GRM7: variants seen among roughly 807,000 people sequenced by gnomAD.
GRM7 encodes the protein metabotropic glutamate receptor 7.
In GRM7, 35 loss-of-function variants were observed where a neutral mutation model predicts 84.5. The observed-to-expected ratio is 0.41, with a 90% CI of 0.32 to 0.55. The LOEUF (loss-of-function observed/expected upper bound fraction) is 0.55, where lower values mean the gene tolerates loss of function less well. GRM7 is among the 20% of genes least tolerant of loss of function. The pLI, the probability that GRM7 is intolerant of heterozygous loss-of-function variation, is 0.19. For missense variants in GRM7, 1,003 were observed against 1,194.6 expected, an observed-to-expected ratio of 0.84 and a Z score of 2.36; for synonymous variants, 487 against 455.1, an observed-to-expected ratio of 1.07 and a Z score of -0.89.
intron 1 of GRM7, among the ~76,000 whole-genome samples, chr3:7,118,374 C>A (rs952793004): frequency 1.3e-5 from 2 of 151,494 alleles, no homozygotes; most frequent in Non-Finnish European, 2.9e-5. Flanking sequence ...TGGGCAACAG[C>A]ATGAGACCCA....
At chr3:7,131,654 T>C (rs746624201) in intron 1 of GRM7, among the ~76,000 whole-genome samples, 26 of 144,080 alleles carry the variant, frequency 1.8e-4, no homozygotes, top group Non-Finnish European at 3.3e-4. Context: ...AATTTTTGTA[T>C]TTTTAGTAGA....
intron 1 of GRM7, among the ~76,000 whole-genome samples, chr3:7,019,971 A>G (rs1236095030): frequency 6.6e-6 from 1 of 152,178 alleles, no homozygotes; most frequent in Non-Finnish European, 1.5e-5. Flanking sequence ...CAAAGGAAAA[A>G]TAAAACCTGT....
intron 1 of GRM7, among the ~76,000 whole-genome samples, chr3:6,988,893 A>G (rs925689446): frequency 2.6e-5 from 4 of 152,246 alleles, no homozygotes; most frequent in Admixed American, 6.5e-5. Context: ...TCTTAAGGCA[A>G]TGTTTCTCAA....
chr3:7,712,638 C>G (rs953928468), intron 9 of GRM7, among the ~76,000 whole-genome samples: 3 of 135,166 alleles, frequency 2.2e-5, no homozygotes, highest in Non-Finnish European at 4.7e-5. Context: ...TTTCTTTGTT[C>G]TTTTTTTTGT....
intron 1 of GRM7, among the ~76,000 whole-genome samples, chr3:7,031,982 T>C (rs1008325742): frequency 6.6e-6 from 1 of 152,164 alleles, no homozygotes; most frequent in Non-Finnish European, 1.5e-5. Flanking sequence ...CCTCTAGCAT[T>C]GATCAGGCAT....
intron 1 of GRM7, among the ~76,000 whole-genome samples, chr3:6,902,884 C>CT (rs1696442723): frequency 2.0e-5 from 3 of 150,288 alleles, no homozygotes; most frequent in African/African-American, 7.4e-5. Context: ...CACACACACC[C>CT]CTACTCTAGA....
chr3:6,971,873 A>G (rs1418960829), intron 1 of GRM7, among the ~76,000 whole-genome samples: 1 of 152,210 alleles, frequency 6.6e-6, no homozygotes, highest in Non-Finnish European at 1.5e-5. Context: ...TGTTTTATTA[A>G]AACTAAAAGT....
chr3:7,113,912 T>C (rs1368443471), intron 1 of GRM7, among the ~76,000 whole-genome samples: 1 of 152,190 alleles, frequency 6.6e-6, no homozygotes, highest in Non-Finnish European at 1.5e-5. Flanking sequence ...AGTGGTAACA[T>C]CTCTATAAAT....
intron 4 of GRM7, among the ~76,000 whole-genome samples, chr3:7,342,276 G>C (rs1260254610): frequency 1.3e-5 from 2 of 152,104 alleles, no homozygotes; most frequent in Admixed American, 6.6e-5. Context: ...TTTCTTAGCT[G>C]TACCCTCATC....
intron 9 of GRM7, among the ~76,000 whole-genome samples, chr3:7,715,424 C>T (rs1385006049): frequency 6.6e-6 from 1 of 152,088 alleles, no homozygotes; most frequent in Admixed American, 6.6e-5. Flanking sequence ...AGTGAGCGAC[C>T]ATCATGCCAC....
chr3:7,419,397 C>G (rs17047307), intron 5 of GRM7, among the ~76,000 whole-genome samples: 3,129 of 152,132 alleles, frequency 0.021, 96 homozygotes, highest in African/African-American at 0.067. Context: ...GCATCATATC[C>G]CAAAGTTTTC....
intron 3 of GRM7, among the ~76,000 whole-genome samples, chr3:7,302,083 G>A (rs1397242413): frequency 6.6e-6 from 1 of 151,708 alleles, no homozygotes; most frequent in Non-Finnish European, 1.5e-5. Context: ...GAAAATAAAA[G>A]TTTTTTTATT....
intron 4 of GRM7, among the ~76,000 whole-genome samples, chr3:7,345,636 T>C (rs1268875509): frequency 2.0e-5 from 3 of 152,084 alleles, no homozygotes; most frequent in Non-Finnish European, 4.4e-5. Flanking sequence ...GTTTGCAGCC[T>C]ATTTTAGGCA....
chr3:7,289,747 C>T (rs989338946), intron 2 of GRM7, among the ~76,000 whole-genome samples: 5 of 151,032 alleles, frequency 3.3e-5, no homozygotes, highest in African/African-American at 4.9e-5. Context: ...TCTCAGCAAA[C>T]TATCACAGGG....
chr3:7,554,762 A>G (rs2125029593), intron 7 of GRM7, among the ~76,000 whole-genome samples: 1 of 152,286 alleles, frequency 6.6e-6, no homozygotes, highest in Non-Finnish European at 1.5e-5. Context: ...CTTCTCTATA[A>G]TCAGCAGGTT....
At chr3:7,021,447 C>T (rs1003498806) in intron 1 of GRM7, among the ~76,000 whole-genome samples, 1 of 152,182 alleles carries the variant, frequency 6.6e-6, no homozygotes, top group Admixed American at 6.5e-5. Context: ...AAGTGCTTTC[C>T]TCACCTAGAA....
intron 1 of GRM7, among the ~76,000 whole-genome samples, chr3:6,961,201 T>C (rs905490811): frequency 6.6e-6 from 1 of 152,168 alleles, no homozygotes; most frequent in East Asian, 1.9e-4. Context: ...TCTCAATCAC[T>C]AGCATCTTGT....
At chr3:7,698,425 T>C (rs943555224) in intron 9 of GRM7, among the ~76,000 whole-genome samples, 8 of 152,196 alleles carry the variant, frequency 5.3e-5, no homozygotes, top group Admixed American at 2.6e-4. Flanking sequence ...CTTTTACAGA[T>C]AAGCAAACTG....
At chr3:7,056,438 C>G (rs1382443622) in intron 1 of GRM7, among the ~76,000 whole-genome samples, 8 of 151,998 alleles carry the variant, frequency 5.3e-5, no homozygotes, top group Non-Finnish European at 8.8e-5. Flanking sequence ...GTATATGCTT[C>G]TCACTCCGAG....
Sources: gnomAD v4.1 joint callset for allele counts (sites outside exome capture counted in the v4.1 genomes callset) on GRCh38, gnomAD v4.1.1 for gene constraint, MANE v1.5 for transcripts, NCBI Gene and HGNC (gene_info 2026-07-23, HGNC 2026-07-21) for gene names.